The following CCP110 variants were observed in gnomAD, a reference collection of about 807,000 sequenced individuals.
CCP110 encodes centriolar coiled-coil protein 110, also known as centriolar coiled-coil protein of 110 kDa.
In CCP110, 43 loss-of-function variants were observed where a neutral mutation model predicts 105.5. The observed-to-expected ratio is 0.41, with a 90% CI of 0.32 to 0.53. The LOEUF (loss-of-function observed/expected upper bound fraction) is 0.53, where lower values mean the gene tolerates loss of function less well. CCP110 is among the 20% of genes least tolerant of loss of function. The pLI, the probability that CCP110 is intolerant of heterozygous loss-of-function variation, is 0.32. For synonymous variants in CCP110, 353 were observed against 392.1 expected (o/e 0.90, Z 1.18); for missense variants, 1,016 against 1,189.1 (o/e 0.85, Z 2.14).
chr16:19,551,143 C>T (rs991590098), intron 14 of CCP110, 53 bp from the exon 14 acceptor site: 3 of 1,022,320 alleles, frequency 2.9e-6, no homozygotes, highest in Non-Finnish European at 4.7e-6. Flanking sequence ...TAAATGGTAT[C>T]ATTATAGAAA....
At chr16:19,552,040 T>C (rs1003731793) in exon 15 of CCP110, 2 of 152,244 alleles carry the variant, frequency 1.3e-5, no homozygotes, top group African/African-American at 4.8e-5. Flanking sequence ...ATATGTTGCA[T>C]GCAGTTATAT....
intron 3 of CCP110, among the ~76,000 whole-genome samples, chr16:19,534,801 A>G (rs999944798): frequency 3.3e-5 from 5 of 152,026 alleles, no homozygotes; most frequent in African/African-American, 1.2e-4. Flanking sequence ...GTAACGTAAA[A>G]TAGGAGAGCC....
exon 7 of CCP110, chr16:19,542,727 G>A (rs1335217750): frequency 9.3e-6 from 15 of 1,613,296 alleles, no homozygotes; most frequent in African/African-American, 1.3e-5. Context: ...CAGTAACAAG[G>A]CCTTTTGGAA....
rs1481352527 is a variant in CCP110 at position 19,548,381 on chromosome 16, G to A, written c.2901-134G>A. On this transcript the variant is annotated intron_variant, in intron 13 of 14. Transcript: ENST00000381396. The surrounding 1 kb of genome is among the most constrained non-coding windows in gnomAD (Gnocchi z 4.1). The stretch of plus-strand genomic sequence containing the variant: ...CAGAGTTTAGCTTTCCTTACTGTGC[G>A]CATGCATGAGACTTCAGTTCTTTTC... 6 of 625,910 alleles carry A rather than the reference G, an allele frequency of 9.6e-6. No individual in the cohort carries two copies. Among genetic ancestry groups the A allele is most frequent in the African/African-American group, 3.7e-5 (2 of 54,314 alleles). 38.8% of individuals were successfully genotyped at this position (625,910 alleles called of 1,614,324 possible).
At chr16:19,551,503 A>G (rs955987734) in exon 15 of CCP110, 5 of 468,974 alleles carry the variant, frequency 1.1e-5, no homozygotes, top group Non-Finnish European at 1.9e-5. Flanking sequence ...CTATACAAAC[A>G]TAAGTTTATT....
chr16:19,540,802 G>A lies in CCP110; in HGVS notation c.2049+15G>A, dbSNP rs753033904. ...GACTGCAAAAGGTGAGGAATGTGGA[G>A]GGAGATACAACTGGTAAGTGAAATT... On this transcript the variant is annotated intron_variant, in intron 5 of 14. Transcript: ENST00000381396. 19 of 1,609,510 alleles carry A rather than the reference G, an allele frequency of 1.2e-5. No homozygotes were observed. Among genetic ancestry groups the A allele is most frequent in the Admixed American group, 1.7e-5 (1 of 59,054 alleles).
intron 2 of CCP110, 54 bp from the exon 3 acceptor site, chr16:19,532,362 A>G (rs1969899313): frequency 6.8e-7 from 1 of 1,474,504 alleles, no homozygotes; most frequent in Non-Finnish European, 9.1e-7. Flanking sequence ...CAACTTCCCG[A>G]TTTTATGATA....
chr16:19,531,256 T>C (rs1463590298), intron 2 of CCP110, among the ~76,000 whole-genome samples: 2 of 152,234 alleles, frequency 1.3e-5, no homozygotes, highest in African/African-American at 4.8e-5. Flanking sequence ...TGTTATTTAT[T>C]TATAAGCAAA....
At chr16:19,537,533 C>T in exon 4 of CCP110, 1 of 1,594,264 alleles carries the variant, frequency 6.3e-7, no homozygotes, top group Non-Finnish European at 8.5e-7. Flanking sequence ...AAAAAGATAC[C>T]CTAAGGGATC....
intron 14 of CCP110, among the ~76,000 whole-genome samples, chr16:19,550,703 T>C (rs1358119388): frequency 1.3e-5 from 2 of 152,246 alleles, no homozygotes; most frequent in African/African-American, 2.4e-5. Context: ...ATCATACTCT[T>C]AGACTGAAGT....
At chr16:19,528,049 T>A in intron 2 of CCP110, 27 bp downstream of exon 2, 1 of 1,589,872 alleles carries the variant, frequency 6.3e-7, no homozygotes, top group South Asian at 1.1e-5. Context: ...TTTAAATAGT[T>A]TTTTTCTGTA....
exon 4 of CCP110, chr16:19,537,352 A>G (rs2151472028): frequency 6.2e-7 from 1 of 1,613,746 alleles, no homozygotes; most frequent in Non-Finnish European, 8.5e-7. Flanking sequence ...AGAATACGAG[A>G]CAGCAGATGG....
chr16:19,544,669 A>C, intron 8 of CCP110, 128 bp from the exon 9 acceptor site: 1 of 613,044 alleles, frequency 1.6e-6, no homozygotes, highest in Non-Finnish European at 2.9e-6. Flanking sequence ...GGATTCATGG[A>C]ACCAGTCCCC....
chr16:19,533,119 CAAAT>C (rs1348396391), intron 3 of CCP110, among the ~76,000 whole-genome samples: 2 of 152,150 alleles, frequency 1.3e-5, no homozygotes, highest in African/African-American at 2.4e-5. Context: ...AAAAGAAAAA[CAAAT>C]GAATTAGATT....
At chr16:19,546,625 T>C (rs1292740147) in intron 12 of CCP110, 151 bp downstream of exon 12, 1 of 498,214 alleles carries the variant, frequency 2.0e-6, no homozygotes, top group East Asian at 3.6e-5. Context: ...GAGACCAGCC[T>C]GACCAACATG....
Position 19,548,566 on chromosome 16 carries a change from A to C in CCP110, c.2952A>C (p.Ser984=), listed in dbSNP as rs765307233. 4.5e-6 allele frequency: 7 copies of C among 1,549,978 alleles called. No individual in the cohort carries two copies. Among genetic ancestry groups the C allele is most frequent in the Non-Finnish European group, 5.2e-6 (6 of 1,146,604 alleles). ...TTGTGCAAAATAGACAGAAGCCTTCACAGAGCAGAGTGCCTAACAGAGTGC... is the reference window on the plus strand; with the variant it reads ...TTGTGCAAAATAGACAGAAGCCTTCCCAGAGCAGAGTGCCTAACAGAGTGC... Residue 984 remains serine, a synonymous_variant, in exon 14 of 15, where the codon TCA becomes TCC. Coordinates refer to ENST00000381396, the Ensembl canonical transcript of CCP110. This position sits in a 1 kb window ranked among gnomAD's most constrained non-coding sequence, Gnocchi z 4.1.
chr16:19,538,760 T>G (rs990501322), intron 4 of CCP110, among the ~76,000 whole-genome samples: 1 of 152,166 alleles, frequency 6.6e-6, no homozygotes, highest in African/African-American at 2.4e-5. Flanking sequence ...CAGTAAACAC[T>G]TTAACATCAA....
At chr16:19,540,526 C>T (rs1482285404) in intron 4 of CCP110, 131 bp from the exon 5 acceptor site, 1 of 727,294 alleles carries the variant, frequency 1.4e-6, no homozygotes, top group Admixed American at 2.8e-5. Flanking sequence ...AGAGACCCAG[C>T]TATATCTTGA....
intron 11 of CCP110, chr16:19,546,145 A>C: frequency 3.8e-6 from 2 of 525,312 alleles, no homozygotes; most frequent in Middle Eastern, 4.9e-4. Context: ...AAAACAGTTA[A>C]TCTTTATATT....
Sources: gnomAD v4.1 joint callset for allele counts (sites outside exome capture counted in the v4.1 genomes callset) on GRCh38, gnomAD v4.1.1 for gene constraint, Gnocchi (gnomAD v3.1) non-coding constraint, MANE v1.5 for transcripts, NCBI Gene and HGNC (gene_info 2026-07-23, HGNC 2026-07-21) for gene names.